Variants in IGF2BP3 observed in about 807,000 individuals in gnomAD.
IGF2BP3 encodes insulin-like growth factor 2 mRNA-binding protein 3.
IGF2BP3 carries 9 observed loss-of-function variants against 73.8 expected under a neutral mutation model. The ratio of observed to expected loss-of-function variants is 0.12; its 90% CI spans 0.07 to 0.21. The LOEUF (loss-of-function observed/expected upper bound fraction) is 0.21, where lower values mean the gene tolerates loss of function less well. IGF2BP3 is among the 10% of genes least tolerant of loss of function. IGF2BP3 has a pLI of 1.00. For missense variants in IGF2BP3, 542 were observed against 714.0 expected (o/e 0.76, Z 2.75); for synonymous variants, 258 against 256.7 (o/e 1.01, Z -0.05).
At chr7:23,409,760 A>T (rs1478272480) in intron 3 of IGF2BP3, among the ~76,000 whole-genome samples, 1 of 152,228 alleles carries the variant, frequency 6.6e-6, no homozygotes, top group Non-Finnish European at 1.5e-5. Flanking sequence ...GGCTTAAGAC[A>T]ATAGGAGAAA....
At chr7:23,333,364 A>G (rs1784489806) in intron 10 of IGF2BP3, among the ~76,000 whole-genome samples, 1 of 152,216 alleles carries the variant, frequency 6.6e-6, no homozygotes, top group South Asian at 2.1e-4. Flanking sequence ...ATGTAGCAGC[A>G]TCCTCCTCAG....
chr7:23,375,352 T>C (rs1785685106), intron 3 of IGF2BP3, among the ~76,000 whole-genome samples: 1 of 152,124 alleles, frequency 6.6e-6, no homozygotes, highest in East Asian at 1.9e-4. Flanking sequence ...CTGCTATCTT[T>C]CTTTCATTCC....
At chr7:23,341,534 G>T (rs1401480467) in intron 10 of IGF2BP3, among the ~76,000 whole-genome samples, 1 of 152,144 alleles carries the variant, frequency 6.6e-6, no homozygotes, top group East Asian at 1.9e-4. Context: ...CGGGTGTGGT[G>T]TGGCACACAC....
At chr7:23,331,985 G>GGAGAGA (rs1016971197) in intron 10 of IGF2BP3, among the ~76,000 whole-genome samples, 3 of 151,820 alleles carry the variant, frequency 2.0e-5, no homozygotes, top group African/African-American at 7.3e-5. Context: ...GCGGCAGGAG[G>GGAGAGA]GAGAGAGAGA....
At chr7:23,319,027 G>A (rs1404325104) in intron 11 of IGF2BP3, 111 bp downstream of exon 11, 2 of 732,546 alleles carry the variant, frequency 2.7e-6, no homozygotes, top group African/African-American at 1.8e-5. Flanking sequence ...ATATCCTTAT[G>A]TAACCCTAAC....
intron 10 of IGF2BP3, among the ~76,000 whole-genome samples, chr7:23,333,671 T>C (rs1379722262): frequency 6.6e-6 from 1 of 152,182 alleles, no homozygotes; most frequent in African/African-American, 2.4e-5. Context: ...CTTTAAAATG[T>C]CCTATCCTGG....
chr7:23,320,877 G>T (rs1562668913), intron 10 of IGF2BP3, among the ~76,000 whole-genome samples: 1 of 147,750 alleles, frequency 6.8e-6, no homozygotes, highest in Non-Finnish European at 1.5e-5. Flanking sequence ...TTGAGCCCAG[G>T]TGGTTCAGGA....
At chr7:23,423,330 A>G (rs1787404576) in intron 2 of IGF2BP3, among the ~76,000 whole-genome samples, 1 of 152,156 alleles carries the variant, frequency 6.6e-6, no homozygotes, top group South Asian at 2.1e-4. Context: ...AAAATACTCT[A>G]CTGCTTCTTT....
At chr7:23,354,839 G>T (rs1466391507) in intron 5 of IGF2BP3, among the ~76,000 whole-genome samples, 1 of 152,194 alleles carries the variant, frequency 6.6e-6, no homozygotes, top group East Asian at 1.9e-4. Context: ...GTACCTGACT[G>T]TCTAATTGCC....
At chr7:23,381,680 T>C (rs1196053098) in intron 3 of IGF2BP3, among the ~76,000 whole-genome samples, 1 of 152,096 alleles carries the variant, frequency 6.6e-6, no homozygotes, top group African/African-American at 2.4e-5. Flanking sequence ...GCAATTCTCC[T>C]GCCTCGGTCT....
intron 10 of IGF2BP3, among the ~76,000 whole-genome samples, chr7:23,326,643 A>G (rs574276440): frequency 1.3e-5 from 2 of 150,060 alleles, no homozygotes; most frequent in African/African-American, 4.9e-5. Flanking sequence ...CATTATTCAC[A>G]ATAGCAAAGA....
intron 3 of IGF2BP3, among the ~76,000 whole-genome samples, chr7:23,375,977 T>A (rs1045555175): frequency 6.6e-6 from 1 of 152,234 alleles, no homozygotes; most frequent in African/African-American, 2.4e-5. Flanking sequence ...TACCGACTTA[T>A]GCTATAGAAT....
intron 2 of IGF2BP3, among the ~76,000 whole-genome samples, chr7:23,462,379 T>G (rs1788468748): frequency 4.9e-5 from 7 of 142,158 alleles, no homozygotes; most frequent in Non-Finnish European, 1.1e-4. Flanking sequence ...TTTTTTTTTT[T>G]GAGACGGAGT....
chr7:23,432,815 AT>A (rs1452444537), intron 2 of IGF2BP3, among the ~76,000 whole-genome samples: 1 of 151,912 alleles, frequency 6.6e-6, no homozygotes, highest in East Asian at 1.9e-4. Flanking sequence ...TAATTTTTGT[AT>A]TTTTCATAAG....
intron 11 of IGF2BP3, among the ~76,000 whole-genome samples, chr7:23,318,157 G>C (rs1784042529): frequency 6.6e-6 from 1 of 151,986 alleles, no homozygotes. Context: ...GGGCTCCTTG[G>C]GCTTCCTGTG....
At chr7:23,350,321 G>T (rs1784928007) in intron 6 of IGF2BP3, among the ~76,000 whole-genome samples, 1 of 152,142 alleles carries the variant, frequency 6.6e-6, no homozygotes, top group Non-Finnish European at 1.5e-5. Flanking sequence ...AAATTTAAAA[G>T]GAAAAATAAT....
intron 10 of IGF2BP3, among the ~76,000 whole-genome samples, chr7:23,324,148 G>C (rs1047724989): frequency 6.6e-6 from 1 of 151,754 alleles, no homozygotes; most frequent in African/African-American, 2.4e-5. Flanking sequence ...TTTTTGAAAG[G>C]ATCAACAAAA....
intron 2 of IGF2BP3, among the ~76,000 whole-genome samples, chr7:23,465,084 C>T (rs1254849995): frequency 6.6e-6 from 1 of 152,182 alleles, no homozygotes. Flanking sequence ...CAACAGCCCA[C>T]AACATAACAA....
chr7:23,362,005 C>A (rs1785241963), intron 3 of IGF2BP3, among the ~76,000 whole-genome samples: 1 of 152,170 alleles, frequency 6.6e-6, no homozygotes, highest in Admixed American at 6.6e-5. Flanking sequence ...AAAGCCACAG[C>A]CGCCTGGTTC....
Sources: allele counts gnomAD v4.1 joint callset (sites outside exome capture counted in the v4.1 genomes callset), GRCh38; gene constraint gnomAD v4.1.1; transcripts MANE v1.5; gene names NCBI Gene and HGNC (gene_info 2026-07-23, HGNC 2026-07-21).